Variants in THRB observed in about 807,000 individuals in gnomAD.
THRB encodes the protein thyroid hormone receptor beta, also known as nuclear receptor subfamily 1 group A member 2.
Under a neutral mutation model 47.8 loss-of-function variants are expected in THRB, and 12 were observed. The observed-to-expected ratio is 0.25, with a 90% CI of 0.16 to 0.41. THRB has a LOEUF of 0.41. Ranked by LOEUF, THRB falls within the 10% of genes least tolerant of loss-of-function variation. The probability of loss-of-function intolerance (pLI) is 1.00; values close to 1 mark genes in which losing one functional copy is unlikely to be tolerated. For missense variants in THRB, 348 were observed against 589.2 expected (o/e 0.59, Z 4.24); for synonymous variants, 218 against 212.2 (o/e 1.03, Z -0.24).
At chr3:24,204,486 AC>A (rs1160090825) in intron 4 of THRB, among the ~76,000 whole-genome samples, 5 of 152,230 alleles carry the variant, frequency 3.3e-5, no homozygotes, top group Non-Finnish European at 7.3e-5. Context: ...GGACATCCAC[AC>A]CAAAAGCCCA....
At chr3:24,147,585 C>T in intron 6 of THRB, among the ~76,000 whole-genome samples, 1 of 152,166 alleles carries the variant, frequency 6.6e-6, no homozygotes, top group Non-Finnish European at 1.5e-5. Flanking sequence ...TCTGGGGACA[C>T]TGTTTAGTTC....
chr3:24,222,533 G>A (rs577639033), intron 4 of THRB, among the ~76,000 whole-genome samples: 6 of 152,234 alleles, frequency 3.9e-5, no homozygotes, highest in South Asian at 2.1e-4. Context: ...AGGGAGAAGA[G>A]GATGTGAGGT....
At chr3:24,200,750 G>GT (rs1356832612) in intron 4 of THRB, among the ~76,000 whole-genome samples, 1 of 152,140 alleles carries the variant, frequency 6.6e-6, no homozygotes, top group East Asian at 1.9e-4. Flanking sequence ...GAAAAGTTTG[G>GT]TTTTTTCTTT....
chr3:24,281,757 A>G (rs2054635594), intron 3 of THRB, among the ~76,000 whole-genome samples: 1 of 146,446 alleles, frequency 6.8e-6, no homozygotes, highest in Non-Finnish European at 1.5e-5. Flanking sequence ...AAGCAAATGG[A>G]AAACAAAAAA....
intron 1 of THRB, among the ~76,000 whole-genome samples, chr3:24,351,401 A>C (rs540003813): frequency 2.6e-5 from 4 of 152,096 alleles, no homozygotes; most frequent in Admixed American, 6.6e-5. Context: ...ACTTACTAAG[A>C]TGGTTTCCCA....
chr3:24,474,019 T>C (rs1695088588), intron 1 of THRB, among the ~76,000 whole-genome samples: 1 of 152,116 alleles, frequency 6.6e-6, no homozygotes, highest in Non-Finnish European at 1.5e-5. Flanking sequence ...AGATGACGGG[T>C]TGATGGGTGC....
chr3:24,205,439 G>C (rs368421550), intron 4 of THRB, among the ~76,000 whole-genome samples: 90 of 152,226 alleles, frequency 5.9e-4, no homozygotes, highest in Middle Eastern at 3.4e-3. Flanking sequence ...CCTTTACAGA[G>C]AAGCAAATGC....
intron 5 of THRB, chr3:24,165,019 G>C (rs751183842): frequency 2.7e-6 from 2 of 738,668 alleles, no homozygotes; most frequent in Non-Finnish European, 5.0e-6. Flanking sequence ...AAGCAAAATG[G>C]TCCCTACCTT....
chr3:24,158,420 CTTT>C (rs869272206), intron 5 of THRB, among the ~76,000 whole-genome samples: 2 of 107,746 alleles, frequency 1.9e-5, no homozygotes, highest in African/African-American at 7.8e-5. Flanking sequence ...AAAATGATAA[CTTT>C]TTTTTTTTTT....
At chr3:24,435,993 G>A (rs567507143) in intron 1 of THRB, among the ~76,000 whole-genome samples, 10 of 152,276 alleles carry the variant, frequency 6.6e-5, no homozygotes, top group African/African-American at 2.4e-4. Flanking sequence ...GCCCTTCAGA[G>A]CAGTCGTGGG....
chr3:24,152,598 G>C, intron 5 of THRB, 108 bp from the exon 6 acceptor site: 1 of 710,444 alleles, frequency 1.4e-6, no homozygotes, highest in Non-Finnish European at 2.6e-6. Flanking sequence ...GCCAGGAAGA[G>C]GTAACAACAG....
chr3:24,360,823 G>A (rs1200844600), intron 1 of THRB, among the ~76,000 whole-genome samples: 1 of 152,122 alleles, frequency 6.6e-6, no homozygotes, highest in East Asian at 1.9e-4. Flanking sequence ...TCTCTTTACA[G>A]AGTGGCGGTT....
chr3:24,130,322 C>T (rs995815035), intron 9 of THRB, among the ~76,000 whole-genome samples: 3 of 152,258 alleles, frequency 2.0e-5, no homozygotes, highest in East Asian at 1.9e-4. Flanking sequence ...TCGCCCTTGC[C>T]GTGGATGAAA....
At chr3:24,232,401 T>A (rs1427771942) in intron 3 of THRB, among the ~76,000 whole-genome samples, 1 of 152,146 alleles carries the variant, frequency 6.6e-6, no homozygotes. Flanking sequence ...ACCTTACCTG[T>A]CTCTTCAGAG....
rs2063229353 is a variant in THRB, at chr3:24,349,519, G to C, written c.-260-12148C>G. ...CAGGATAGACAAATAGATCACAAGA[G>C]CTCCAAAGAGAGTACAAAAACAGAA... On this transcript the variant is annotated intron_variant, in intron 1 of 10. Transcript: ENST00000646209. 2.0e-5 allele frequency among the ~76,000 whole-genome samples: 3 copies of C among 152,046 alleles called. 1 individual carries two copies. Among genetic ancestry groups the C allele is most frequent in the Non-Finnish European group, 4.4e-5 (3 of 67,982 alleles).
At chr3:24,277,006 G>A (rs116776324) in intron 3 of THRB, among the ~76,000 whole-genome samples, 2,198 of 152,292 alleles carry the variant, frequency 0.014, 57 homozygotes, top group African/African-American at 0.049. Context: ...TGATTTAGGA[G>A]GAGGGGTATA....
chr3:24,201,119 TATG>T (rs2044538807), intron 4 of THRB, among the ~76,000 whole-genome samples: 1 of 152,118 alleles, frequency 6.6e-6, no homozygotes, highest in South Asian at 2.1e-4. Context: ...TAATCTATTC[TATG>T]ATTTTTTTTT....
At chr3:24,157,367 G>A (rs1290252902) in intron 5 of THRB, among the ~76,000 whole-genome samples, 1 of 151,986 alleles carries the variant, frequency 6.6e-6, no homozygotes, top group African/African-American at 2.4e-5. Context: ...GGAGGACCAA[G>A]TAGAGGTGTC....
At position 24,223,892 on chromosome 3, in the gene THRB, G is replaced by T. The variant is rs111952927; in HGVS notation, c.22+5046C>A. Among the ~76,000 whole-genome samples, 945 of 144,006 alleles carry T rather than the reference G, an allele frequency of 6.6e-3. 5 individuals are homozygous for T. The highest frequency in any genetic ancestry group is 0.022 in the African/African-American group (859 of 38,990). 94.5% of individuals were successfully genotyped at this position (144,006 alleles called of 152,430 possible). On this transcript the variant is annotated intron_variant, in intron 4 of 10. Transcript: ENST00000646209. Reference sequence around the variant, plus strand: ...GTTTGAGTCACCAATCAATGTGTGTGTGGGGGGGGTATATAGTCAAATTTA... The same window carrying T: ...GTTTGAGTCACCAATCAATGTGTGTTTGGGGGGGGTATATAGTCAAATTTA...
Sources: gnomAD v4.1 joint callset for allele counts (sites outside exome capture counted in the v4.1 genomes callset) on GRCh38, gnomAD v4.1.1 for gene constraint, MANE v1.5 for transcripts, NCBI Gene and HGNC (gene_info 2026-07-23, HGNC 2026-07-21) for gene names.